Variants in CDH3 observed in about 807,000 individuals in gnomAD.
CDH3 encodes the protein cadherin 3.
A neutral mutation model predicts 82.0 loss-of-function variants in CDH3; 54 were observed. The observed-to-expected ratio is 0.66, with a 90% confidence interval of 0.53 to 0.83. The LOEUF is 0.83. CDH3 is among the 40% of genes least tolerant of loss of function. The pLI is 0.00. For missense variants in CDH3, 1,054 were observed against 1,084.6 expected (o/e 0.97, Z 0.40); for synonymous variants, 446 against 437.9 (o/e 1.02, Z -0.23).
At position 68,682,454 on chromosome 16, in the gene CDH3, T is replaced by G; in HGVS notation, c.1149T>G (p.Pro383=). The G allele has an allele frequency of 6.2e-7, 1 of 1,614,114 alleles. No individual in the cohort carries two copies. Among genetic ancestry groups the G allele is most frequent in the Non-Finnish European group, 8.5e-7 (1 of 1,180,026 alleles). Residue 383 remains proline (P), a synonymous_variant, in exon 9 of 16, where the codon CCT becomes CCG. Coordinates refer to ENST00000264012, the MANE Select transcript of CDH3 (RefSeq NM_001793.6). ...DGDHFTITTH[P]ESNQGILTTR... ...ACCATTTTACCATCACCACCCACCC[T>G]GAGAGCAACCAGGGCATCCTGACAA...
downstream of CDH3, among the ~76,000 whole-genome samples, chr16:68,731,614 ATTGT>A (rs1962294996): frequency 1.3e-5 from 2 of 149,194 alleles, no homozygotes; most frequent in African/African-American, 2.5e-5. Flanking sequence ...AGGCAGGTGG[ATTGT>A]TTGAGCTCAG....
intron 12 of CDH3, among the ~76,000 whole-genome samples, chr16:68,689,042 G>T (rs1961491804): frequency 6.6e-6 from 1 of 152,196 alleles, no homozygotes; most frequent in South Asian, 2.1e-4. Flanking sequence ...TTGATAACCT[G>T]GTTCTTGGCT....
At chr16:68,688,536 C>T (rs530233275) in intron 12 of CDH3, among the ~76,000 whole-genome samples, 49 of 152,124 alleles carry the variant, frequency 3.2e-4, no homozygotes, top group East Asian at 3.9e-4. Flanking sequence ...TGCAGTGAGC[C>T]GTGATTGTGC....
chr16:68,716,600 G>T (rs1962096936), intron 1 of CDH3, among the ~76,000 whole-genome samples: 1 of 107,628 alleles, frequency 9.3e-6, no homozygotes, highest in African/African-American at 3.8e-5. Flanking sequence ...CAGCCTGGGT[G>T]ACAGAATGAG....
At position 68,685,362 on chromosome 16, in the gene CDH3, C is replaced by G; in HGVS notation, c.1570+12C>G. The G allele has an allele frequency of 6.2e-7, 1 of 1,613,560 alleles. No homozygotes were observed. The highest frequency in any genetic ancestry group is 8.5e-7 in the Non-Finnish European group (1 of 1,179,892). ...GGCCATGGACAATGGTGAGAGCATC[C>G]TCCCAGCCCTCCCACAAGGGCCACT... On this transcript the variant is annotated intron_variant, in intron 11 of 15. Coordinates refer to ENST00000264012, the MANE Select transcript of CDH3 (RefSeq NM_001793.6).
chr16:68,726,680 G>A (rs912926318), intron 2 of CDH3, among the ~76,000 whole-genome samples: 8 of 150,376 alleles, frequency 5.3e-5, no homozygotes, highest in Admixed American at 1.3e-4. Context: ...CCGGGTTCAC[G>A]CCATTCTCCT....
intron 2 of CDH3, among the ~76,000 whole-genome samples, chr16:68,659,435 T>C (rs1368036010): frequency 6.6e-6 from 1 of 151,918 alleles, no homozygotes; most frequent in Non-Finnish European, 1.5e-5. Flanking sequence ...CCAGGCATGG[T>C]GGTGCATGCC....
In CDH3 at chr16:68,684,493, A is replaced by T. The variant is rs1961341808; in HGVS notation, c.1183-90A>T. The stretch of plus-strand genomic sequence containing the variant: ...TAGTGAGGGCCTCAAGCCCCTCAGT[A>T]TTGGTGTTTTCCTTCTCACATCTCA... On this transcript the variant is annotated intron_variant, in intron 9 of 15. Transcript: ENST00000264012. 1.8e-5 allele frequency: 26 copies of T among 1,464,154 alleles called. 1 individual carries two copies. In the Middle Eastern group the frequency reaches 1.0e-3, roughly 58 times the overall value. The allele number at this position is 1,464,154 out of a possible 1,614,324, so 90.7% of individuals were successfully genotyped here. A position where few individuals can be genotyped will look rare whatever the true frequency, so the allele number is the denominator to read the frequency against.
At chr16:68,728,207 C>T (rs1041742376), downstream of CDH3, among the ~76,000 whole-genome samples, 1 of 151,952 alleles carries the variant, frequency 6.6e-6, no homozygotes, top group Admixed American at 6.6e-5. Context: ...GCTCTGTCAC[C>T]CAGGCTGGAG....
intron 2 of CDH3, chr16:68,645,958 T>G: frequency 1.7e-6 from 1 of 582,636 alleles, no homozygotes. Flanking sequence ...ATCCAGCCCC[T>G]TGTCCGGTAG....
In CDH3 at chr16:68,698,545, T is replaced by C. The variant is rs1176947753; in HGVS notation, c.*145T>C. The C allele has an allele frequency of 8.6e-6, 6 of 701,602 alleles. No individual in the cohort carries two copies. The highest frequency in any genetic ancestry group is 1.5e-5 in the Non-Finnish European group (6 of 406,920). The allele number at this position is 701,602 out of a possible 1,614,324, so 43.5% of individuals were successfully genotyped here. ...CGGAGACAGGCTATGAGTCTGACGT[T>C]AGAGTGGTGGCTTCCTTAGCCTTTC... On this transcript the variant is annotated 3_prime_UTR_variant, in exon 16 of 16. Transcript: ENST00000264012.
intron 13 of CDH3, among the ~76,000 whole-genome samples, chr16:68,694,823 A>G (rs1455002176): frequency 6.6e-6 from 1 of 152,178 alleles, no homozygotes; most frequent in Non-Finnish European, 1.5e-5. Context: ...CTTAAGGATC[A>G]GTACCACCAA....
rs113138707 is a variant in CDH3, at chr16:68,657,315, A to C, written c.160+11565A>C. ...GATCACCTGAGCTCGGGAGTTCGAGACCAGCCTGGCCAACATGGTGAAACC... is the reference window on the plus strand; with the variant it reads ...GATCACCTGAGCTCGGGAGTTCGAGCCCAGCCTGGCCAACATGGTGAAACC... On this transcript the variant is annotated intron_variant, in intron 2 of 15. Coordinates refer to ENST00000264012, the MANE Select transcript of CDH3 (RefSeq NM_001793.6). 9.7e-3 allele frequency among the ~76,000 whole-genome samples: 1,479 copies of C among 152,204 alleles called. 13 individuals are homozygous for C. Among genetic ancestry groups the C allele is most frequent in the South Asian group, 0.02 (95 of 4,814 alleles).
intron 9 of CDH3, among the ~76,000 whole-genome samples, chr16:68,683,175 AG>A (rs1961278482): frequency 6.6e-6 from 1 of 152,226 alleles, no homozygotes; most frequent in African/African-American, 2.4e-5. Context: ...TTTGAGAAGC[AG>A]GGTATAAAAT....
intron 2 of CDH3, among the ~76,000 whole-genome samples, chr16:68,648,739 G>A (rs750891564): frequency 4.6e-5 from 7 of 152,006 alleles, no homozygotes; most frequent in Middle Eastern, 3.2e-3. Context: ...ACGATCCACT[G>A]TGCCCAGCTC....
chr16:68,687,433 G>A (rs1253880915), intron 11 of CDH3, 79 bp from the exon 12 acceptor site: 2 of 1,067,274 alleles, frequency 1.9e-6, no homozygotes, highest in Middle Eastern at 2.0e-4. Flanking sequence ...GGTGAGAGCT[G>A]GGCGGTAAAC....
Position 68,681,019 on chromosome 16 carries a change from G to T in CDH3, c.919G>T (p.Gly307Cys), listed in dbSNP as rs746790992. ...CCAGGCCACAGACATGGATGGGGAC[G>T]GCTCCACCACCACGGCAGTGGCAGT... Reference protein sequence around the residue: ...TIQATDMDGDGSTTTAVAVVE... With the variant: ...TIQATDMDGDCSTTTAVAVVE... The change falls in exon 8 of 16, where the codon GGC becomes TGC. Residue 307 changes from glycine to cysteine, a missense_variant. Transcript: ENST00000264012. 6.2e-7 allele frequency: 1 copy of T among 1,613,972 alleles called. No homozygotes were observed.
chr16:68,686,227 C>T (rs957693168), intron 11 of CDH3, among the ~76,000 whole-genome samples: 15 of 151,888 alleles, frequency 9.9e-5, no homozygotes, highest in African/African-American at 2.7e-4. Flanking sequence ...GCCCTTGGGG[C>T]GAATTGCAGC....
intron 15 of CDH3, among the ~76,000 whole-genome samples, chr16:68,697,816 T>G (rs988387957): frequency 1.3e-5 from 2 of 152,026 alleles, no homozygotes; most frequent in African/African-American, 4.8e-5. Flanking sequence ...CCTCAGTACC[T>G]CCCGAGGCTG....
Sources: gnomAD v4.1 joint callset for allele counts (sites outside exome capture counted in the v4.1 genomes callset) on GRCh38, gnomAD v4.1.1 for gene constraint, MANE v1.5 for transcripts, NCBI Gene and HGNC (gene_info 2026-07-23, HGNC 2026-07-21) for gene names.